CDH23: variants seen among roughly 807,000 people sequenced by gnomAD.
CDH23 encodes the protein cadherin related 23, also known as cadherin-23.
In CDH23, 189 loss-of-function variants were observed where a neutral mutation model predicts 317.1. The observed-to-expected ratio is 0.60, with a 90% confidence interval of 0.53 to 0.67. The LOEUF is 0.67. CDH23 is among the 30% of genes least tolerant of loss of function. The pLI is 0.00. For synonymous variants in CDH23, 1,839 were observed against 1,876.8 expected (o/e 0.98, Z 0.52); for missense variants, 4,401 against 4,592.4 (o/e 0.96, Z 1.20).
chr10:71,491,494 T>C (rs1852657480), intron 3 of CDH23, among the ~76,000 whole-genome samples: 2 of 152,230 alleles, frequency 1.3e-5, no homozygotes, highest in African/African-American at 4.8e-5. Context: ...GAGCTTCTGT[T>C]GAACCAAGGT....
At chr10:71,585,922 G>T (rs1433913174) in intron 9 of CDH23, among the ~76,000 whole-genome samples, 1 of 152,194 alleles carries the variant, frequency 6.6e-6, no homozygotes, top group Non-Finnish European at 1.5e-5. Flanking sequence ...ACTTTTAAGA[G>T]GTTTCACTGA....
intron 9 of CDH23, among the ~76,000 whole-genome samples, chr10:71,598,310 C>T (rs1055460957): frequency 6.6e-6 from 1 of 152,216 alleles, no homozygotes; most frequent in Admixed American, 6.5e-5. Context: ...TGCTTGGTGC[C>T]AGGAGCAGTG....
At chr10:71,762,215 A>T (rs538511536) in intron 38 of CDH23, among the ~76,000 whole-genome samples, 2 of 152,308 alleles carry the variant, frequency 1.3e-5, no homozygotes, top group South Asian at 4.1e-4. Context: ...TTGTAGGGGG[A>T]GTCACAGAAG....
chr10:71,635,223 T>C (rs1451044646), intron 11 of CDH23: 1 of 152,704 alleles, frequency 6.5e-6, no homozygotes. Context: ...ACGCACATTA[T>C]AATTCTTTTC....
chr10:71,580,385 G>A (rs1428559903), intron 9 of CDH23, among the ~76,000 whole-genome samples: 1 of 152,218 alleles, frequency 6.6e-6, no homozygotes, highest in Non-Finnish European at 1.5e-5. Flanking sequence ...TGTGTGTGGA[G>A]GCGAGGGCAG....
intron 6 of CDH23, among the ~76,000 whole-genome samples, chr10:71,563,095 A>G (rs1422483422): frequency 6.6e-6 from 1 of 152,062 alleles, no homozygotes; most frequent in African/African-American, 2.4e-5. Flanking sequence ...AGCTGTTGGT[A>G]TCTCTTTGGG....
intron 18 of CDH23, among the ~76,000 whole-genome samples, chr10:71,686,522 C>T (rs1365417377): frequency 6.6e-6 from 1 of 152,150 alleles, no homozygotes; most frequent in Non-Finnish European, 1.5e-5. Flanking sequence ...AGCCAGAGAG[C>T]ATGCCCCCAT....
In CDH23 at chr10:71,738,609, G is replaced by C; in HGVS notation, c.4321G>C (p.Val1441Leu). Reference protein sequence around the residue: ...DCPVGQRVATVKAWDPDAGSN... With the variant: ...DCPVGQRVATLKAWDPDAGSN... ...CCCTGTGGGCCAGCGAGTGGCTACT[G>C]TCAAGGCCTGGGACCCTGATGCTGG... Residue 1441 changes from valine (V) to leucine (L), a missense_variant, in exon 35 of 70, where the codon GTC becomes CTC. By Grantham distance (32) the Val-to-Leu change is conservative. This residue lies in a region of CDH23 where 3,068 missense variants were observed against 3,203.3 expected (regional missense o/e 0.96). Coordinates refer to ENST00000224721, the MANE Select transcript of CDH23 (RefSeq NM_022124.6). The C allele has an allele frequency of 6.2e-7, 1 of 1,613,702 alleles. No homozygotes were observed. The highest frequency in any genetic ancestry group is 1.7e-5 in the Admixed American group (1 of 60,006).
chr10:71,679,529 G>A (rs1864523254), intron 17 of CDH23, 37 bp downstream of exon 17: 1 of 1,475,296 alleles, frequency 6.8e-7, no homozygotes, highest in Admixed American at 1.9e-5. Context: ...CAGCCAGGAG[G>A]AGGGCTGGGG....
intron 38 of CDH23, among the ~76,000 whole-genome samples, chr10:71,772,536 G>T (rs944778482): frequency 6.6e-6 from 1 of 152,256 alleles, no homozygotes; most frequent in African/African-American, 2.4e-5. Context: ...TTGGGGCCAG[G>T]ATACTATCTG....
At chr10:71,739,878 C>G in intron 36 of CDH23, 106 bp downstream of exon 36, 1 of 1,309,738 alleles carries the variant, frequency 7.6e-7, no homozygotes, top group Non-Finnish European at 1.0e-6. Context: ...CTCTGGTGGT[C>G]AGTGCCCCTG....
At chr10:71,567,024 C>A in intron 7 of CDH23, 88 bp downstream of exon 7, 1 of 1,179,628 alleles carries the variant, frequency 8.5e-7, no homozygotes, top group East Asian at 2.5e-5. Context: ...GGGACATTGA[C>A]CCAGTGGCAC....
chr10:71,427,300 T>G (rs1245201057), intron 1 of CDH23, among the ~76,000 whole-genome samples: 1 of 150,922 alleles, frequency 6.6e-6, no homozygotes, highest in East Asian at 2.0e-4. Flanking sequence ...CCATACTTTT[T>G]AGCTACCCTC....
chr10:71,594,826 T>TA (rs1859732900), intron 9 of CDH23, among the ~76,000 whole-genome samples: 1 of 152,238 alleles, frequency 6.6e-6, no homozygotes, highest in African/African-American at 2.4e-5. Context: ...TTGAACCATA[T>TA]AAAATCCCCA....
chr10:71,587,678 C>T (rs1212952957), intron 9 of CDH23, among the ~76,000 whole-genome samples: 2 of 152,318 alleles, frequency 1.3e-5, no homozygotes, highest in Non-Finnish European at 1.5e-5. Flanking sequence ...ATCCTCGTAG[C>T]TCCCACCTCA....
At chr10:71,698,374 G>A (rs1337790462) in intron 22 of CDH23, among the ~76,000 whole-genome samples, 2 of 152,192 alleles carry the variant, frequency 1.3e-5, no homozygotes, top group Non-Finnish European at 1.5e-5. Flanking sequence ...GCCCCAGGTT[G>A]AGGTAGGGTC....
rs528689556 is a variant in CDH23 at position 71,720,391 on chromosome 10, G to T, written c.3370-3654G>T. On this transcript the variant is annotated intron_variant, in intron 28 of 69. Transcript: ENST00000224721. ...GCTCCCCACAGTGCGGGTGGGCCAC[G>T]GGAGACCTCCACTGGAGGCTCTTTC... 2.6e-5 allele frequency among the ~76,000 whole-genome samples: 4 copies of T among 151,270 alleles called. No homozygotes were observed. In the East Asian group the frequency reaches 7.8e-4, roughly 30 times the overall value.
Position 71,785,110 on chromosome 10 carries a change from A to C in CDH23, c.5712+10A>C. ...CTTCATCAATGCCACGGTAGGGCCT[A>C]GACTGACCCCAGGGAGCTTCCCAGG... On this transcript the variant is annotated intron_variant, in intron 43 of 69. Coordinates refer to ENST00000224721, the MANE Select transcript of CDH23 (RefSeq NM_022124.6). The C allele has an allele frequency of 6.2e-7, 1 of 1,607,388 alleles. No individual in the cohort carries two copies. Among genetic ancestry groups the C allele is most frequent in the Non-Finnish European group, 8.5e-7 (1 of 1,174,330 alleles).
chr10:71,517,985 G>A (rs1037559325), intron 6 of CDH23, among the ~76,000 whole-genome samples: 26 of 152,226 alleles, frequency 1.7e-4, no homozygotes, highest in African/African-American at 5.8e-4. Context: ...AGGACAGCAA[G>A]CTCTGGGCTG....
Sources: gnomAD v4.1 joint callset for allele counts (sites outside exome capture counted in the v4.1 genomes callset) on GRCh38, gnomAD v4.1.1 for gene constraint, gnomAD v4.1.1 regional missense constraint, MANE v1.5 for transcripts, NCBI Gene and HGNC (gene_info 2026-07-23, HGNC 2026-07-21) for gene names.